NSMAF: variants seen among roughly 807,000 people sequenced by gnomAD.
NSMAF encodes protein FAN.
NSMAF carries 90 observed loss-of-function variants against 134.9 expected under a neutral mutation model. The observed-to-expected ratio is 0.67, with a 90% CI of 0.56 to 0.79. The LOEUF is 0.79. Among genes scored for constraint, NSMAF ranks in the 30% least tolerant of loss-of-function variants. NSMAF has a pLI of 0.00. For synonymous variants in NSMAF, 358 were observed against 389.6 expected, an observed-to-expected ratio of 0.92 and a Z score of 0.96; for missense variants, 1,010 against 1,119.0, an observed-to-expected ratio of 0.90 and a Z score of 1.39.
intron 13 of NSMAF, among the ~76,000 whole-genome samples, chr8:58,602,568 C>A (rs570840227): frequency 6.6e-6 from 1 of 152,152 alleles, no homozygotes; most frequent in South Asian, 2.1e-4. Flanking sequence ...CAGAGAAATA[C>A]TTTATCATAT....
At chr8:58,642,953 T>C (rs1446583324) in intron 2 of NSMAF, 31 bp downstream of exon 2, 2 of 1,504,018 alleles carry the variant, frequency 1.3e-6, no homozygotes, top group African/African-American at 2.8e-5. Flanking sequence ...GAAAGGTTTG[T>C]TTGTCCAAGG....
intron 2 of NSMAF, among the ~76,000 whole-genome samples, chr8:58,638,550 T>C (rs902010702): frequency 6.6e-6 from 1 of 152,004 alleles, no homozygotes; most frequent in Non-Finnish European, 1.5e-5. Context: ...ATTTAATAAA[T>C]GGTGTTGGGA....
At chr8:58,633,293 C>T (rs1381330243) in intron 5 of NSMAF, among the ~76,000 whole-genome samples, 1 of 152,232 alleles carries the variant, frequency 6.6e-6, no homozygotes, top group Admixed American at 6.5e-5. Flanking sequence ...CTGTCAAGGA[C>T]ATGCCCACCT....
chr8:58,625,646 T>A (rs1806913757), intron 6 of NSMAF, among the ~76,000 whole-genome samples: 1 of 152,234 alleles, frequency 6.6e-6, no homozygotes, highest in Non-Finnish European at 1.5e-5. Context: ...TTTCCCATCC[T>A]TTCACTTTCA....
At chr8:58,591,043 TCCAA>T in intron 23 of NSMAF, 109 bp from the exon 24 acceptor site, 2 of 1,268,106 alleles carry the variant, frequency 1.6e-6, no homozygotes, top group Non-Finnish European at 2.1e-6. Flanking sequence ...CACTTTATAC[TCCAA>T]AGTATAATCT....
chr8:58,591,995 T>C (rs1806031647), intron 23 of NSMAF, among the ~76,000 whole-genome samples: 1 of 152,196 alleles, frequency 6.6e-6, no homozygotes, highest in African/African-American at 2.4e-5. Context: ...TGACAATTTA[T>C]AAACATGAGC....
intron 26 of NSMAF, among the ~76,000 whole-genome samples, chr8:58,589,240 T>C (rs1805968262): frequency 1.4e-5 from 2 of 147,838 alleles, no homozygotes; most frequent in South Asian, 4.2e-4. Flanking sequence ...ATATATATTA[T>C]AGATATATTT....
chr8:58,598,236 C>T (rs892098338), intron 19 of NSMAF, among the ~76,000 whole-genome samples: 2 of 151,492 alleles, frequency 1.3e-5, no homozygotes, highest in Non-Finnish European at 2.9e-5. Context: ...TGAACATGGG[C>T]GATATGGATT....
chr8:58,644,064 T>G (rs1474671099), intron 1 of NSMAF, among the ~76,000 whole-genome samples: 1 of 152,206 alleles, frequency 6.6e-6, no homozygotes, highest in Non-Finnish European at 1.5e-5. Context: ...CATTTTTTTG[T>G]TTTGTTTTGT....
intron 18 of NSMAF, 33 bp from the exon 19 acceptor site, chr8:58,599,396 A>C: frequency 6.2e-7 from 1 of 1,606,644 alleles, no homozygotes. Flanking sequence ...AAAATCATGG[A>C]GTCTTCATTT....
At chr8:58,644,104 C>T (rs376384264) in intron 1 of NSMAF, among the ~76,000 whole-genome samples, 2 of 152,166 alleles carry the variant, frequency 1.3e-5, no homozygotes, top group Non-Finnish European at 1.5e-5. Flanking sequence ...CAATGAGTTA[C>T]AGGCAAAAGC....
chr8:58,614,541 C>T (rs978068387), intron 9 of NSMAF, among the ~76,000 whole-genome samples: 2 of 152,184 alleles, frequency 1.3e-5, no homozygotes, highest in African/African-American at 4.8e-5. Context: ...TATGTGCAAT[C>T]CTGAGTTATG....
intron 1 of NSMAF, among the ~76,000 whole-genome samples, chr8:58,648,736 A>G (rs952086620): frequency 8.1e-4 from 124 of 152,348 alleles, no homozygotes; most frequent in African/African-American, 2.8e-3. Context: ...GCAAGACATT[A>G]GCCTTGGAAG....
At position 58,585,929 on chromosome 8, in the gene NSMAF, T is replaced by C; in HGVS notation, c.2518A>G (p.Ile840Val). Reference protein sequence around the residue: ...NVIDVQTGMLISSMTSDEPQR... With the variant: ...NVIDVQTGMLVSSMTSDEPQR... ...GGCTCATCTGATGTCATGGAGGAGA[T>C]GAGCATTCCTGTCTGCACATCAATG... Residue 840 changes from isoleucine to valine, a missense_variant, in exon 29 of 31, where the codon ATC (isoleucine) becomes GTC (valine). Transcript: ENST00000038176. The C allele has an allele frequency of 1.9e-6, 3 of 1,613,980 alleles. No homozygotes were observed. The South Asian group carries it at 3.3e-5, about 18-fold the overall frequency.
chr8:58,599,870 A>G lies in NSMAF; in HGVS notation c.1333T>C (p.Leu445=). The G allele has an allele frequency of 3.1e-6, 5 of 1,613,082 alleles. No individual in the cohort carries two copies. Among genetic ancestry groups the G allele is most frequent in the Non-Finnish European group, 4.2e-6 (5 of 1,179,766 alleles). Residue 445 remains leucine (L), a splice_region_variant and synonymous_variant, in exon 18 of 31, where the codon TTA becomes CTA. Coordinates refer to ENST00000038176, the MANE Select transcript of NSMAF (RefSeq NM_003580.4). ...CLDGATDFKE[L]IPEFYGDDVS... is the part of the protein sequence containing the mutation. ...TCATCACCATAGAATTCTGGAATTAACTGAAAGTTTCGGGGAAAAATAAAA... is the reference window on the plus strand; with the variant it reads ...TCATCACCATAGAATTCTGGAATTAGCTGAAAGTTTCGGGGAAAAATAAAA...
At chr8:58,588,255 T>A (rs1046650734) in intron 26 of NSMAF, among the ~76,000 whole-genome samples, 5 of 152,134 alleles carry the variant, frequency 3.3e-5, no homozygotes, top group Admixed American at 3.3e-4. Context: ...GAAAGAATGG[T>A]GAATGAATGA....
At chr8:58,621,745 C>A (rs1168292567) in intron 9 of NSMAF, among the ~76,000 whole-genome samples, 1 of 152,140 alleles carries the variant, frequency 6.6e-6, no homozygotes, top group Non-Finnish European at 1.5e-5. Flanking sequence ...TGGCATTGAG[C>A]ATTTTTTCAG....
intron 9 of NSMAF, among the ~76,000 whole-genome samples, chr8:58,616,668 C>T (rs974847435): frequency 6.6e-6 from 1 of 152,070 alleles, no homozygotes; most frequent in African/African-American, 2.4e-5. Context: ...AAACCTTAAG[C>T]CCTTTTCCTG....
chr8:58,606,887 T>C (rs993514562), intron 11 of NSMAF, among the ~76,000 whole-genome samples: 9 of 152,224 alleles, frequency 5.9e-5, no homozygotes, highest in African/African-American at 2.2e-4. Flanking sequence ...TATATATAAA[T>C]TGCCTGTTAC....
Sources: allele counts gnomAD v4.1 joint callset (sites outside exome capture counted in the v4.1 genomes callset), GRCh38; gene constraint gnomAD v4.1.1; transcripts MANE v1.5; gene names NCBI Gene and HGNC (gene_info 2026-07-23, HGNC 2026-07-21).